Variants in CSMD2 observed in about 807,000 individuals in gnomAD.
CSMD2 encodes CUB and sushi domain-containing protein 2.
CSMD2 carries 130 observed loss-of-function variants against 398.5 expected under a neutral mutation model. The observed-to-expected ratio is 0.33, with a 90% CI of 0.28 to 0.38. CSMD2 has a LOEUF of 0.38. Ranked by LOEUF, CSMD2 falls within the 10% of genes least tolerant of loss-of-function variation. CSMD2 has a pLI of 1.00. For missense variants in CSMD2, 3,829 were observed against 4,764.9 expected, an observed-to-expected ratio of 0.80 and a Z score of 5.78; for synonymous variants, 1,828 against 1,908.5, an observed-to-expected ratio of 0.96 and a Z score of 1.10.
intron 3 of CSMD2, among the ~76,000 whole-genome samples, chr1:34,029,066 T>C (rs1650074623): frequency 6.6e-6 from 1 of 152,154 alleles, no homozygotes; most frequent in Non-Finnish European, 1.5e-5. Context: ...CAAGAGGAGC[T>C]ACCAAGAGCA....
intron 13 of CSMD2, among the ~76,000 whole-genome samples, chr1:33,746,756 A>G (rs1471190632): frequency 6.6e-6 from 1 of 152,216 alleles, no homozygotes; most frequent in African/African-American, 2.4e-5. Context: ...TGCTCAACCA[A>G]TATTTGCTGA....
At chr1:33,986,436 G>A (rs992571061) in intron 3 of CSMD2, among the ~76,000 whole-genome samples, 2 of 152,180 alleles carry the variant, frequency 1.3e-5, no homozygotes, top group African/African-American at 4.8e-5. Context: ...TCCTTGCCAT[G>A]CCCATTTTAC....
chr1:33,526,271 A>G (rs1431171214), intron 65 of CSMD2, among the ~76,000 whole-genome samples: 1 of 152,210 alleles, frequency 6.6e-6, no homozygotes, highest in Non-Finnish European at 1.5e-5. Flanking sequence ...ACATGTCAGT[A>G]TAGCATGGTG....
chr1:33,938,986 G>A (rs1644578583), intron 3 of CSMD2, among the ~76,000 whole-genome samples: 1 of 149,242 alleles, frequency 6.7e-6, no homozygotes, highest in Non-Finnish European at 1.5e-5. Context: ...CCCATCTTTT[G>A]CTCTTGGCTT....
At position 33,537,147 on chromosome 1, in the gene CSMD2, G is replaced by A. The variant is rs1655875862; in HGVS notation, c.9806-52C>T. 2 of 1,577,398 alleles carry A rather than the reference G, an allele frequency of 1.3e-6. No homozygotes were observed. The highest frequency in any genetic ancestry group is 1.7e-6 in the Non-Finnish European group (2 of 1,146,810). On this transcript the variant is annotated intron_variant, in intron 61 of 70. Transcript: ENST00000373381. The surrounding 1 kb of genome is among the most constrained non-coding windows in gnomAD (Gnocchi z 4.6). ...TCACATGGTCATGGAAGCCTTCACG[G>A]CCTCATCTCACTCTGGGAAATAGGT...
At chr1:34,079,258 A>T (rs1656776118) in intron 2 of CSMD2, among the ~76,000 whole-genome samples, 1 of 152,294 alleles carries the variant, frequency 6.6e-6, no homozygotes, top group African/African-American at 2.4e-5. Flanking sequence ...GAGGTTCTAG[A>T]CAGCACAATC....
At chr1:34,039,701 G>C (rs991649046) in intron 2 of CSMD2, among the ~76,000 whole-genome samples, 5 of 152,232 alleles carry the variant, frequency 3.3e-5, no homozygotes, top group African/African-American at 1.2e-4. Flanking sequence ...TCCCAAGAAG[G>C]AATGGGCAAG....
intron 25 of CSMD2, among the ~76,000 whole-genome samples, chr1:33,687,937 A>G (rs774374780): frequency 6.6e-6 from 1 of 152,264 alleles, no homozygotes. Flanking sequence ...CCTATTGTCC[A>G]TCTAAGCGGT....
intron 20 of CSMD2, among the ~76,000 whole-genome samples, chr1:33,715,679 G>A (rs556051224): frequency 1.6e-4 from 24 of 152,320 alleles, no homozygotes; most frequent in Non-Finnish European, 2.9e-4. Flanking sequence ...ACTCCTGGCC[G>A]TGGCTGAGAA....
intron 2 of CSMD2, among the ~76,000 whole-genome samples, chr1:34,065,086 A>G (rs1402171468): frequency 6.6e-6 from 1 of 152,194 alleles, no homozygotes. Flanking sequence ...GTGGAGACAC[A>G]GAGCCAAACC....
chr1:34,127,245 A>C (rs1187782055), intron 1 of CSMD2, among the ~76,000 whole-genome samples: 1 of 152,186 alleles, frequency 6.6e-6, no homozygotes, highest in Non-Finnish European at 1.5e-5. Flanking sequence ...AGTATGGACT[A>C]TTTGAGGAAC....
intron 3 of CSMD2, among the ~76,000 whole-genome samples, chr1:33,979,764 T>C (rs1223318579): frequency 1.3e-5 from 2 of 152,148 alleles, no homozygotes; most frequent in African/African-American, 4.8e-5. Context: ...TCTCAGACTA[T>C]GATGCAGGGG....
At chr1:33,564,923 CT>C (rs1238641414) in intron 53 of CSMD2, among the ~76,000 whole-genome samples, 2 of 152,216 alleles carry the variant, frequency 1.3e-5, no homozygotes, top group Non-Finnish European at 1.5e-5. Context: ...ATCCAAATTA[CT>C]TCCAGGCAGC....
intron 1 of CSMD2, among the ~76,000 whole-genome samples, chr1:34,156,404 T>A (rs1640809771): frequency 6.6e-6 from 1 of 152,224 alleles, no homozygotes; most frequent in Non-Finnish European, 1.5e-5. Flanking sequence ...GGGCCATCAA[T>A]CATTCTGCAC....
intron 21 of CSMD2, 34 bp from the exon 22 acceptor site, chr1:33,709,292 C>A (rs1297668442): frequency 6.3e-7 from 1 of 1,582,248 alleles, no homozygotes; most frequent in East Asian, 2.2e-5. Flanking sequence ...ATAGATTAAC[C>A]CCCATCAGCT....
rs1641274163 is a variant in CSMD2 at position 33,614,738 on chromosome 1, C to T, written c.6017-118G>A. 3.9e-5 allele frequency: 24 copies of T among 611,354 alleles called. No homozygotes were observed. The South Asian group carries it at 4.9e-4, about 13-fold the overall frequency. 37.9% of individuals were successfully genotyped at this position (611,354 alleles called of 1,614,324 possible). On this transcript the variant is annotated intron_variant, in intron 39 of 70. Coordinates refer to ENST00000373381, the MANE Select transcript of CSMD2 (RefSeq NM_001281956.2). ...TTTAAGCTTTCATGAGTCATATAGC[C>T]CCTTGAGAATCCAAAGGAATCTTCT...
At chr1:33,950,388 AGAG>A (rs1644967864) in intron 3 of CSMD2, among the ~76,000 whole-genome samples, 1 of 57,112 alleles carries the variant, frequency 1.8e-5, no homozygotes, top group Non-Finnish European at 3.6e-5. Context: ...TCCAGCAGAG[AGAG>A]AGAGAGAGAG....
chr1:33,619,147 C>A (rs1276436428), intron 37 of CSMD2, among the ~76,000 whole-genome samples: 2 of 152,222 alleles, frequency 1.3e-5, no homozygotes, highest in Non-Finnish European at 2.9e-5. Flanking sequence ...GGGCAAGGGC[C>A]AGAAGACTCA....
At chr1:34,102,635 G>A (rs79785398) in intron 1 of CSMD2, among the ~76,000 whole-genome samples, 45 of 53,402 alleles carry the variant, frequency 8.4e-4, no homozygotes, top group African/African-American at 2.3e-3. Flanking sequence ...CCTGTAATCC[G>A]GCCATATCCC....
Sources: gnomAD v4.1 joint callset for allele counts (sites outside exome capture counted in the v4.1 genomes callset) on GRCh38, gnomAD v4.1.1 for gene constraint, Gnocchi (gnomAD v3.1) non-coding constraint, MANE v1.5 for transcripts, NCBI Gene and HGNC (gene_info 2026-07-23, HGNC 2026-07-21) for gene names.